The following PRKN variants were observed in gnomAD, a reference collection of about 807,000 sequenced individuals.
The protein encoded by PRKN is parkin RBR E3 ubiquitin protein ligase, also known as E3 ubiquitin-protein ligase parkin.
Under a neutral mutation model 59.5 loss-of-function variants are expected in PRKN, and 56 were observed. The ratio of observed to expected loss-of-function variants is 0.94; its 90% CI spans 0.76 to 1.18. The LOEUF (loss-of-function observed/expected upper bound fraction) is 1.18, where lower values mean the gene tolerates loss of function less well. PRKN is among the 50% of genes most tolerant of loss of function. The pLI, the probability that PRKN is intolerant of heterozygous loss-of-function variation, is 0.00. For missense variants in PRKN, 657 were observed against 596.4 expected (o/e 1.10, Z -1.06); for synonymous variants, 250 against 222.1 (o/e 1.13, Z -1.12).
intron 7 of PRKN, among the ~76,000 whole-genome samples, chr6:161,752,405 C>T (rs1399386387): frequency 3.9e-5 from 6 of 151,976 alleles, no homozygotes; most frequent in Non-Finnish European, 7.4e-5. Flanking sequence ...ACAAAAAACT[C>T]GCTCAAGGTT....
chr6:162,506,123 T>C (rs764958165), intron 1 of PRKN, among the ~76,000 whole-genome samples: 14 of 152,078 alleles, frequency 9.2e-5, no homozygotes, highest in Non-Finnish European at 1.9e-4. Flanking sequence ...TGGAATGAAA[T>C]CTGAATCTGA....
At chr6:162,403,213 G>C (rs1787886008) in intron 2 of PRKN, among the ~76,000 whole-genome samples, 1 of 152,042 alleles carries the variant, frequency 6.6e-6, no homozygotes, top group Non-Finnish European at 1.5e-5. Context: ...GTCACTTGTA[G>C]CTCGCCTCCA....
intron 3 of PRKN, among the ~76,000 whole-genome samples, chr6:162,252,235 T>C (rs1172029724): frequency 6.6e-6 from 1 of 152,192 alleles, no homozygotes; most frequent in African/African-American, 2.4e-5. Flanking sequence ...GATTCAAACA[T>C]GGTAGCACTA....
Position 161,447,782 on chromosome 6 carries a change from C to T in PRKN, c.1084-60905G>A, listed in dbSNP as rs530593360. ...TGCTGGGATTACAGGTATGAGCCACCGTGGCTGGCCTCCTTTTTCTTTTAA... is the reference window on the plus strand; with the variant it reads ...TGCTGGGATTACAGGTATGAGCCACTGTGGCTGGCCTCCTTTTTCTTTTAA... On this transcript the variant is annotated intron_variant, in intron 9 of 11. Transcript: ENST00000366898. The surrounding 1 kb of genome is among the most constrained non-coding windows in gnomAD (Gnocchi z 4.1). Among the ~76,000 whole-genome samples the T allele has an allele frequency of 3.2e-4, 48 of 152,298 alleles. No homozygotes were observed. The highest frequency in any genetic ancestry group is 2.1e-3 in the Admixed American group (32 of 15,308).
intron 6 of PRKN, among the ~76,000 whole-genome samples, chr6:161,809,628 T>G (rs1266427956): frequency 7.9e-5 from 12 of 152,258 alleles, no homozygotes; most frequent in Non-Finnish European, 1.3e-4. Flanking sequence ...CCTTATTCAC[T>G]CATCAATTTT....
intron 6 of PRKN, among the ~76,000 whole-genome samples, chr6:161,853,961 A>T (rs944241016): frequency 3.3e-5 from 5 of 152,008 alleles, no homozygotes; most frequent in Non-Finnish European, 5.9e-5. Context: ...AACACTAAAA[A>T]TTGGCCCGGT....
intron 6 of PRKN, among the ~76,000 whole-genome samples, chr6:161,828,929 CAA>C (rs11301137): frequency 3.8e-4 from 47 of 125,198 alleles, no homozygotes; most frequent in Admixed American, 5.6e-4. Flanking sequence ...GACTCCATCT[CAA>C]AAAAAAAAAA....
intron 4 of PRKN, among the ~76,000 whole-genome samples, chr6:162,114,961 G>C (rs1780602148): frequency 6.6e-6 from 1 of 151,592 alleles, no homozygotes; most frequent in African/African-American, 2.4e-5. Flanking sequence ...TCTAGAACTA[G>C]AAATACCATT....
intron 3 of PRKN, among the ~76,000 whole-genome samples, chr6:162,245,603 C>T (rs888091066): frequency 7.9e-5 from 12 of 151,960 alleles, no homozygotes; most frequent in Non-Finnish European, 1.3e-4. Flanking sequence ...ACCAAATAAC[C>T]TTCATTTCCA....
rs1400099220 is a variant in PRKN at position 161,460,315 on chromosome 6, G to A, written c.1084-73438C>T. 1.3e-5 allele frequency among the ~76,000 whole-genome samples: 2 copies of A among 152,198 alleles called. No homozygotes were observed. Among genetic ancestry groups the A allele is most frequent in the African/African-American group, 4.8e-5 (2 of 41,444 alleles). ...GTGCCTTTGACCAAGATCTTGAAAA[G>A]TGGGTTAGATATTGCTTGGGAATAA... On this transcript the variant is annotated intron_variant, in intron 9 of 11. Coordinates refer to ENST00000366898, the MANE Select transcript of PRKN (RefSeq NM_004562.3). The surrounding 1 kb of genome is among the most constrained non-coding windows in gnomAD (Gnocchi z 5.0).
intron 1 of PRKN, among the ~76,000 whole-genome samples, chr6:162,692,612 C>G (rs1418270494): frequency 1.3e-5 from 2 of 151,870 alleles, no homozygotes; most frequent in Non-Finnish European, 2.9e-5. Flanking sequence ...CTCAGTGACC[C>G]TCCGGGTTGA....
chr6:161,751,457 A>G (rs1233949826), intron 7 of PRKN, among the ~76,000 whole-genome samples: 1 of 152,250 alleles, frequency 6.6e-6, no homozygotes, highest in Non-Finnish European at 1.5e-5. Context: ...TCTGTACTAC[A>G]TTACACATTT....
Position 161,361,083 on chromosome 6 carries a change from G to A in PRKN, c.1168-878C>T, listed in dbSNP as rs2114862337. Among the ~76,000 whole-genome samples the A allele has an allele frequency of 6.6e-6, 1 of 152,096 alleles. No homozygotes were observed. The highest frequency in any genetic ancestry group is 2.1e-4 in the South Asian group (1 of 4,804). ...AGGAGGTTTTCTGGTGGGGGTGGAA[G>A]CAAGAGGTCCTGGGCTAGCTGTGCT... On this transcript the variant is annotated intron_variant, in intron 10 of 11. Transcript: ENST00000366898. This position sits in a 1 kb window ranked among gnomAD's most constrained non-coding sequence, Gnocchi z 5.2.
At chr6:162,106,902 C>A (rs2128300996) in intron 4 of PRKN, among the ~76,000 whole-genome samples, 1 of 152,298 alleles carries the variant, frequency 6.6e-6, no homozygotes, top group South Asian at 2.1e-4. Context: ...TCTTGCTGCC[C>A]AGCCCTCACT....
intron 3 of PRKN, among the ~76,000 whole-genome samples, chr6:162,207,961 T>A (rs1785025000): frequency 6.6e-6 from 1 of 152,190 alleles, no homozygotes; most frequent in Non-Finnish European, 1.5e-5. Flanking sequence ...ATCTAGAACA[T>A]CTTTCCTACC....
chr6:161,776,585 T>G (rs1453762090), intron 7 of PRKN, among the ~76,000 whole-genome samples: 1 of 152,182 alleles, frequency 6.6e-6, no homozygotes, highest in East Asian at 1.9e-4. Flanking sequence ...AGAGTAGTTC[T>G]TAAATATTTA....
At chr6:161,643,971 T>TG (rs11320957) in intron 7 of PRKN, among the ~76,000 whole-genome samples, 13 of 151,748 alleles carry the variant, frequency 8.6e-5, no homozygotes, top group East Asian at 3.9e-4. Context: ...GATATCTTGG[T>TG]GGGGGGGGCC....
At position 162,127,323 on chromosome 6, in the gene PRKN, C is replaced by G. The variant is rs558167941; in HGVS notation, c.535-73149G>C. 7.9e-5 allele frequency among the ~76,000 whole-genome samples: 12 copies of G among 152,326 alleles called. No homozygotes were observed. In the South Asian group the frequency reaches 2.3e-3, roughly 29 times the overall value. Reference sequence around the variant, plus strand: ...AAAAGGTGCTAGTCTACCAACTCAACTTTTGCTTTCCAAATATAATGCTTT... The same window carrying G: ...AAAAGGTGCTAGTCTACCAACTCAAGTTTTGCTTTCCAAATATAATGCTTT... On this transcript the variant is annotated intron_variant, in intron 4 of 11. Coordinates refer to ENST00000366898, the MANE Select transcript of PRKN (RefSeq NM_004562.3).
intron 4 of PRKN, among the ~76,000 whole-genome samples, chr6:162,063,834 A>G (rs1160829072): frequency 1.3e-5 from 2 of 152,184 alleles, no homozygotes; most frequent in East Asian, 1.9e-4. Context: ...CAAGAGCCGC[A>G]GCGCGCAGCC....
Sources: allele counts gnomAD v4.1 joint callset (sites outside exome capture counted in the v4.1 genomes callset), GRCh38; gene constraint gnomAD v4.1.1; non-coding constraint Gnocchi (gnomAD v3.1); transcripts MANE v1.5; gene names NCBI Gene and HGNC (gene_info 2026-07-23, HGNC 2026-07-21).